The following ORC3 variants were observed in gnomAD, a reference collection of about 807,000 sequenced individuals.
ORC3 encodes origin recognition complex subunit 3.
A neutral mutation model predicts 100.7 loss-of-function variants in ORC3; 78 were observed. The observed-to-expected ratio is 0.77, with a 90% CI of 0.65 to 0.94. The LOEUF (loss-of-function observed/expected upper bound fraction) is 0.94. ORC3 is among the 40% of genes least tolerant of loss of function. ORC3 has a pLI of 0.00. For synonymous variants in ORC3, 295 were observed against 289.3 expected (o/e 1.02, Z -0.20); for missense variants, 789 against 823.9 (o/e 0.96, Z 0.52).
chr6:87,614,910 A>G (rs1031791273), intron 8 of ORC3, among the ~76,000 whole-genome samples: 4 of 151,820 alleles, frequency 2.6e-5, no homozygotes, highest in African/African-American at 9.7e-5. Flanking sequence ...AACTGTTCCA[A>G]CCTCTGCCTG....
chr6:87,669,799 A>G (rs1770792943), downstream of ORC3, among the ~76,000 whole-genome samples: 1 of 152,214 alleles, frequency 6.6e-6, no homozygotes, highest in Non-Finnish European at 1.5e-5. Flanking sequence ...TGATTTTTCC[A>G]TCTATTTAAG....
intron 6 of ORC3, among the ~76,000 whole-genome samples, chr6:87,608,358 C>G (rs999962680): frequency 6.6e-6 from 1 of 152,148 alleles, no homozygotes; most frequent in Non-Finnish European, 1.5e-5. Flanking sequence ...TCTACCATGA[C>G]AGTCTGGTGA....
In ORC3 at chr6:87,653,183, G is replaced by A. The variant is rs1296723984; in HGVS notation, c.1450G>A (p.Glu484Lys). The change falls in exon 14 of 20, where the codon GAA becomes AAA. Residue 484 changes from glutamate to lysine, a missense_variant. By Grantham distance (56) the Glu-to-Lys change is moderately conservative. Transcript: ENST00000392844. ...TTTCAAGGTTTTTAAGTCTTATTGT[G>A]AAAACCACCTTGGCAGCACAGCTAA... The part of the protein sequence containing the change: ...KCFKVFKSYC[E>K]NHLGSTAKRI... The A allele has an allele frequency of 1.2e-5, 19 of 1,613,822 alleles. No individual in the cohort carries two copies. The highest frequency in any genetic ancestry group is 1.5e-5 in the Non-Finnish European group (18 of 1,179,776).
chr6:87,594,292 A>T, intron 1 of ORC3, 61 bp from the exon 2 acceptor site: 4 of 1,212,870 alleles, frequency 3.3e-6, no homozygotes, highest in Non-Finnish European at 3.5e-6. Flanking sequence ...ATATTTGGTT[A>T]ATCAGATTTC....
chr6:87,633,010 G>GT (rs1767543758), intron 11 of ORC3, among the ~76,000 whole-genome samples: 1 of 152,136 alleles, frequency 6.6e-6, no homozygotes, highest in African/African-American at 2.4e-5. Context: ...TCCAGGGCAG[G>GT]TATGTTCCTT....
At chr6:87,631,886 G>T (rs1239583003) in intron 11 of ORC3, among the ~76,000 whole-genome samples, 1 of 152,156 alleles carries the variant, frequency 6.6e-6, no homozygotes, top group Non-Finnish European at 1.5e-5. Context: ...AAGGCCGGGT[G>T]CAGTATCTCA....
chr6:87,629,366 A>G (rs1052057662), intron 11 of ORC3, among the ~76,000 whole-genome samples: 3 of 152,326 alleles, frequency 2.0e-5, no homozygotes, highest in South Asian at 2.1e-4. Context: ...GTTCACCCCT[A>G]TACATACAAT....
chr6:87,593,616 T>C (rs1777204318), intron 1 of ORC3, among the ~76,000 whole-genome samples: 1 of 152,264 alleles, frequency 6.6e-6, no homozygotes, highest in African/African-American at 2.4e-5. Flanking sequence ...TATTTACTAC[T>C]AAGGTTATAG....
At chr6:87,624,887 C>T (rs1413535720) in intron 11 of ORC3, among the ~76,000 whole-genome samples, 1 of 152,074 alleles carries the variant, frequency 6.6e-6, no homozygotes, top group African/African-American at 2.4e-5. Context: ...ATGTTCCCCA[C>T]CCTGTGTCCG....
At chr6:87,627,284 C>T (rs536385347) in intron 11 of ORC3, among the ~76,000 whole-genome samples, 1 of 147,582 alleles carries the variant, frequency 6.8e-6, no homozygotes, top group Non-Finnish European at 1.5e-5. Context: ...CAGGTGTGAG[C>T]CACCGCGCCC....
At chr6:87,652,473 C>G (rs1398076056) in intron 13 of ORC3, among the ~76,000 whole-genome samples, 4 of 152,206 alleles carry the variant, frequency 2.6e-5, no homozygotes, top group African/African-American at 7.2e-5. Flanking sequence ...CTATAAATAA[C>G]AATTAGATCT....
chr6:87,647,634 T>C (rs1220475604), intron 13 of ORC3, among the ~76,000 whole-genome samples: 1 of 152,198 alleles, frequency 6.6e-6, no homozygotes, highest in African/African-American at 2.4e-5. Context: ...GAATGTAAGT[T>C]CCGTGAGGAC....
chr6:87,639,472 T>TC lies in ORC3; in HGVS notation c.1382+2992dup, dbSNP rs577624830. ...CCCTCCCAGCACAAAGTTGCATTCCTCCCCCCAATTTATTCTAATTTATTA... is the reference window on the plus strand; with the variant it reads ...CCCTCCCAGCACAAAGTTGCATTCCTCCCCCCCAATTTATTCTAATTTATTA... On this transcript the variant is annotated intron_variant, in intron 13 of 19. Coordinates refer to ENST00000392844, the MANE Select transcript of ORC3 (RefSeq NM_012381.4). Among the ~76,000 whole-genome samples, 7 of 152,158 alleles carry TC rather than the reference T, an allele frequency of 4.6e-5. No individual in the cohort carries two copies. In the South Asian group the frequency reaches 1.2e-3, roughly 27 times the overall value.
chr6:87,660,911 T>C (rs1369287107), intron 16 of ORC3, among the ~76,000 whole-genome samples: 1 of 152,232 alleles, frequency 6.6e-6, no homozygotes, highest in African/African-American at 2.4e-5. Flanking sequence ...ATAATGTATT[T>C]TGTTACTGTT....
At chr6:87,675,159 T>C in the ORC3 span, 4,817 of 163,414 alleles carry the variant, frequency 0.029, 250 homozygotes, top group African/African-American at 0.11. Context: ...CTGCAGGCTA[T>C]TTGCTTAATA....
chr6:87,677,589 G>A, the ORC3 span, among the ~76,000 whole-genome samples: 1 of 135,756 alleles, frequency 7.4e-6, no homozygotes, highest in Non-Finnish European at 1.6e-5. Context: ...TTAGTACAGG[G>A]TACCTACTAA....
intron 13 of ORC3, among the ~76,000 whole-genome samples, chr6:87,647,339 A>C (rs1260627651): frequency 6.6e-6 from 1 of 152,004 alleles, no homozygotes; most frequent in African/African-American, 2.4e-5. Flanking sequence ...TGAATATTCC[A>C]GATATGCCCA....
chr6:87,617,851 T>A (rs1779268011), intron 9 of ORC3, among the ~76,000 whole-genome samples: 1 of 152,240 alleles, frequency 6.6e-6, no homozygotes. Context: ...GATTATAAAT[T>A]ATTTCTCATG....
At position 87,605,183 on chromosome 6, in the gene ORC3, T is replaced by G. The variant is rs1397261151; in HGVS notation, c.323-734T>G. The stretch of plus-strand genomic sequence containing the variant: ...CCATAGTTTTACTTTTTTAAAATTT[T>G]TATAGAGACAGGTTCTCACCATGTT... On this transcript the variant is annotated intron_variant, in intron 4 of 19. Coordinates refer to ENST00000392844, the MANE Select transcript of ORC3 (RefSeq NM_012381.4). 2.6e-5 allele frequency among the ~76,000 whole-genome samples: 4 copies of G among 152,190 alleles called. No individual in the cohort carries two copies. In the East Asian group the frequency reaches 7.7e-4, roughly 29 times the overall value.
Sources: allele counts gnomAD v4.1 joint callset (sites outside exome capture counted in the v4.1 genomes callset), GRCh38; gene constraint gnomAD v4.1.1; transcripts MANE v1.5; gene names NCBI Gene and HGNC (gene_info 2026-07-23, HGNC 2026-07-21).